STRBP: variants seen among roughly 807,000 people sequenced by gnomAD.
The protein encoded by STRBP is spermatid perinuclear RNA binding protein.
In STRBP, 13 loss-of-function variants were observed where a neutral mutation model predicts 80.1. The observed-to-expected ratio is 0.16, with a 90% CI of 0.11 to 0.26. The LOEUF is 0.26. Ranked by LOEUF, STRBP falls within the 10% of genes least tolerant of loss-of-function variation. The probability of loss-of-function intolerance (pLI) is 1.00; values close to 1 mark genes in which losing one functional copy is unlikely to be tolerated. For missense variants in STRBP, 485 were observed against 815.2 expected, an observed-to-expected ratio of 0.59 and a Z score of 4.93; for synonymous variants, 284 against 291.2, an observed-to-expected ratio of 0.98 and a Z score of 0.25.
rs71390418 is a variant in STRBP at position 123,200,734 on chromosome 9, A to ATTTTTT, written c.-164-16442_-164-16437dup. ...AGGCGCCCCGCCACACACCCCGCTA[A>ATTTTTT]TTTTTTTTTTTTTTTTTTTTTTTTT... On this transcript the variant is annotated intron_variant, in intron 2 of 18. Transcript: ENST00000348403. Among the ~76,000 whole-genome samples, 80 of 37,510 alleles carry ATTTTTT rather than the reference A, an allele frequency of 2.1e-3. 28 individuals are homozygous for ATTTTTT. Among genetic ancestry groups the ATTTTTT allele is most frequent in the African/African-American group, 7.5e-3 (59 of 7,838 alleles). 24.6% of individuals were successfully genotyped at this position (37,510 alleles called of 152,430 possible).
At chr9:123,117,472 T>G (rs2035664470), downstream of STRBP, among the ~76,000 whole-genome samples, 3 of 152,060 alleles carry the variant, frequency 2.0e-5, no homozygotes, top group South Asian at 6.2e-4. Flanking sequence ...GGCAGCAATT[T>G]AGAGACCCCA....
rs2035750234 is a variant in STRBP, at chr9:123,122,014, T to C, written c.*3583A>G. On this transcript the variant is annotated 3_prime_UTR_variant, in exon 19 of 19. Coordinates refer to ENST00000348403, the MANE Select transcript of STRBP (RefSeq NM_018387.5). ...ATGTCTGTCTTGAGTAAAAAGCAGT[T>C]ACAAGGGTATTAAAACAAATGTTGA... 1 of 201,938 alleles carries C rather than the reference T, an allele frequency of 5.0e-6. No homozygotes were observed. Among genetic ancestry groups the C allele is most frequent in the African/African-American group, 2.4e-5 (1 of 42,170 alleles). 12.5% of individuals were successfully genotyped at this position (201,938 alleles called of 1,614,324 possible). A position where few individuals can be genotyped will look rare whatever the true frequency, so the allele number is the denominator to read the frequency against.
At position 123,123,244 on chromosome 9, in the gene STRBP, A is replaced by G; in HGVS notation, c.*2353T>C. Reference sequence around the variant, plus strand: ...GTGGAGAAAAGAGCAGAGAAGCAAAACTTCATGTTAATCTCAGGCAATTTG... The same window carrying G: ...GTGGAGAAAAGAGCAGAGAAGCAAAGCTTCATGTTAATCTCAGGCAATTTG... On this transcript the variant is annotated 3_prime_UTR_variant, in exon 19 of 19. Coordinates refer to ENST00000348403, the MANE Select transcript of STRBP (RefSeq NM_018387.5). The G allele has an allele frequency of 1.0e-6, 1 of 985,392 alleles. No individual in the cohort carries two copies. The highest frequency in any genetic ancestry group is 1.2e-6 in the Non-Finnish European group (1 of 829,918). The allele number at this position is 985,392 out of a possible 1,614,324, so 61.0% of individuals were successfully genotyped here.
intron 2 of STRBP, among the ~76,000 whole-genome samples, chr9:123,197,162 C>G (rs1189537310): frequency 1.3e-5 from 2 of 150,664 alleles, no homozygotes; most frequent in Admixed American, 1.3e-4. Flanking sequence ...TTCAAATGTT[C>G]TTACTCATCT....
At chr9:123,182,292 C>A (rs147397085) in intron 3 of STRBP, among the ~76,000 whole-genome samples, 76 of 144,724 alleles carry the variant, frequency 5.3e-4, no homozygotes, top group Admixed American at 1.2e-3. Context: ...AGAGAAAATT[C>A]TCATTGCAAT....
At chr9:123,217,982 C>T (rs972291578) in intron 2 of STRBP, among the ~76,000 whole-genome samples, 7 of 152,272 alleles carry the variant, frequency 4.6e-5, no homozygotes, top group South Asian at 2.1e-4. Context: ...TTTATAGTTA[C>T]GGTGGAAGCT....
intron 2 of STRBP, among the ~76,000 whole-genome samples, chr9:123,194,702 T>A (rs997341461): frequency 2.6e-5 from 4 of 152,098 alleles, no homozygotes; most frequent in Admixed American, 1.3e-4. Flanking sequence ...CCCTAGGATT[T>A]CCATGGTATT....
chr9:123,113,232 C>T (rs539127960), intron 3 of STRBP: 1 of 167,464 alleles, frequency 6.0e-6, no homozygotes, highest in South Asian at 2.1e-4. Context: ...ACATGACCCT[C>T]CTGAGCACAG....
In STRBP at chr9:123,136,268, C is replaced by CA; in HGVS notation, c.1633-88dup. ...AAATAGATTATGACACAGAAAACAC[C>CA]AAAAATCAAATAGTGCCACAAGAAC... On this transcript the variant is annotated intron_variant, in intron 15 of 18. Transcript: ENST00000348403. The surrounding 1 kb of genome is among the most constrained non-coding windows in gnomAD (Gnocchi z 4.2). 1 of 1,593,838 alleles carries CA rather than the reference C, an allele frequency of 6.3e-7. No homozygotes were observed. Among genetic ancestry groups the CA allele is most frequent in the Non-Finnish European group, 8.5e-7 (1 of 1,170,506 alleles).
chr9:123,139,430 T>A (rs1023686214), intron 14 of STRBP, 99 bp downstream of exon 14: 1 of 965,554 alleles, frequency 1.0e-6, no homozygotes. Context: ...TGTACAGGTT[T>A]GCATATGCTT....
chr9:123,254,415 C>T (rs995195051), intron 1 of STRBP, among the ~76,000 whole-genome samples: 4 of 147,044 alleles, frequency 2.7e-5, no homozygotes, highest in East Asian at 2.0e-4. Flanking sequence ...GAACCCAGAT[C>T]GCGCCACTGC....
At chr9:123,199,453 C>G (rs949966975) in intron 2 of STRBP, among the ~76,000 whole-genome samples, 1 of 152,176 alleles carries the variant, frequency 6.6e-6, no homozygotes, top group Non-Finnish European at 1.5e-5. Context: ...TGCATTGAAT[C>G]TGTAGATTGC....
chr9:123,250,334 T>A (rs2040885552), intron 1 of STRBP, among the ~76,000 whole-genome samples: 1 of 152,230 alleles, frequency 6.6e-6, no homozygotes, highest in Non-Finnish European at 1.5e-5. Context: ...ACAATGCTAG[T>A]CTTCTCACTA....
intron 6 of STRBP, among the ~76,000 whole-genome samples, chr9:123,162,599 GTTCTCT>G (rs1373467709): frequency 1.3e-5 from 2 of 152,036 alleles, no homozygotes; most frequent in Non-Finnish European, 2.9e-5. Flanking sequence ...AAGAACTGTG[GTTCTCT>G]TTACTGGCCA....
chr9:123,137,708 CA>C (rs2036419903), intron 14 of STRBP, among the ~76,000 whole-genome samples: 1 of 151,926 alleles, frequency 6.6e-6, no homozygotes, highest in African/African-American at 2.4e-5. Context: ...ATGCCCAGCC[CA>C]AAATATTAAG....
At chr9:123,180,206 C>T (rs2038396927) in intron 3 of STRBP, among the ~76,000 whole-genome samples, 1 of 152,092 alleles carries the variant, frequency 6.6e-6, no homozygotes, top group African/African-American at 2.4e-5. Context: ...AGTGAGCTAC[C>T]ACTATGTCAC....
At chr9:123,251,250 G>A (rs2040910776) in intron 1 of STRBP, among the ~76,000 whole-genome samples, 2 of 151,628 alleles carry the variant, frequency 1.3e-5, no homozygotes, top group Admixed American at 6.6e-5. Flanking sequence ...AGAAGAAGGA[G>A]AAGGAGAAGA....
chr9:123,172,692 G>A (rs1425195658), intron 5 of STRBP, among the ~76,000 whole-genome samples: 1 of 151,822 alleles, frequency 6.6e-6, no homozygotes, highest in Non-Finnish European at 1.5e-5. Flanking sequence ...GTCAAGAATG[G>A]TACTAAAAAA....
intron 2 of STRBP, among the ~76,000 whole-genome samples, chr9:123,218,892 C>T (rs957903076): frequency 2.0e-5 from 3 of 152,070 alleles, no homozygotes; most frequent in Non-Finnish European, 2.9e-5. Context: ...GTTCTAAGTA[C>T]ACTGCATATA....
Sources: gnomAD v4.1 joint callset for allele counts (sites outside exome capture counted in the v4.1 genomes callset) on GRCh38, gnomAD v4.1.1 for gene constraint, Gnocchi (gnomAD v3.1) non-coding constraint, MANE v1.5 for transcripts, NCBI Gene and HGNC (gene_info 2026-07-23, HGNC 2026-07-21) for gene names.